SUGCT: variants seen among roughly 807,000 people sequenced by gnomAD.
SUGCT encodes the protein succinyl-CoA:glutarate-CoA transferase.
In SUGCT, 41 loss-of-function variants were observed where a neutral mutation model predicts 55.0. The observed-to-expected ratio is 0.74, with a 90% confidence interval of 0.58 to 0.97. The LOEUF (loss-of-function observed/expected upper bound fraction) is 0.97, where lower values mean the gene tolerates loss of function less well. SUGCT is among the 50% of genes least tolerant of loss of function. The pLI is 0.00. For synonymous variants in SUGCT, 187 were observed against 200.4 expected, an observed-to-expected ratio of 0.93 and a Z score of 0.56; for missense variants, 568 against 547.8, an observed-to-expected ratio of 1.04 and a Z score of -0.37.
At chr7:40,888,400 G>A in the SUGCT span, among the ~76,000 whole-genome samples, 3 of 151,090 alleles carry the variant, frequency 2.0e-5, no homozygotes, top group Admixed American at 1.3e-4. Flanking sequence ...GCAGTGAGCC[G>A]AGATCATGCC....
chr7:41,014,158 G>A, the SUGCT span, among the ~76,000 whole-genome samples: 4 of 152,278 alleles, frequency 2.6e-5, no homozygotes, highest in South Asian at 8.3e-4. Flanking sequence ...CCACTGAGGT[G>A]GAGTGGGTGA....
At chr7:40,294,383 A>T (rs1220772414) in intron 8 of SUGCT, among the ~76,000 whole-genome samples, 1 of 152,226 alleles carries the variant, frequency 6.6e-6, no homozygotes, top group African/African-American at 2.4e-5. Context: ...GGAGCTCTTC[A>T]TCTGAAGCCC....
At chr7:40,165,526 C>T (rs28681038) in intron 1 of SUGCT, among the ~76,000 whole-genome samples, 1 of 152,266 alleles carries the variant, frequency 6.6e-6, no homozygotes, top group African/African-American at 2.4e-5. Context: ...GCCAAAAAGA[C>T]AGAGAGATAT....
At chr7:40,477,359 T>C (rs1481824013) in intron 11 of SUGCT, among the ~76,000 whole-genome samples, 1 of 152,144 alleles carries the variant, frequency 6.6e-6, no homozygotes, top group Admixed American at 6.6e-5. Context: ...TGGAGTCTTA[T>C]TTAGAGATTT....
At chr7:40,176,421 A>G (rs7800816) in intron 1 of SUGCT, among the ~76,000 whole-genome samples, 132 of 152,214 alleles carry the variant, frequency 8.7e-4, no homozygotes, top group African/African-American at 2.8e-3. Context: ...TTGTTCACAA[A>G]TGTAGTATAA....
intron 12 of SUGCT, among the ~76,000 whole-genome samples, chr7:40,593,285 G>C (rs78761507): frequency 6.6e-6 from 1 of 152,064 alleles, no homozygotes; most frequent in East Asian, 1.9e-4. Flanking sequence ...ATTTCTCTCC[G>C]TTGCCTCCCC....
At chr7:40,950,408 A>G in the SUGCT span, among the ~76,000 whole-genome samples, 116 of 152,276 alleles carry the variant, frequency 7.6e-4, no homozygotes, top group African/African-American at 2.4e-3. Flanking sequence ...GCAAACAGGG[A>G]CAATTTGACT....
chr7:40,307,684 G>A (rs985763424), intron 8 of SUGCT, among the ~76,000 whole-genome samples: 19 of 152,254 alleles, frequency 1.2e-4, no homozygotes, highest in Admixed American at 5.2e-4. Flanking sequence ...TTGATCAGTC[G>A]TAAATACTAG....
intron 12 of SUGCT, among the ~76,000 whole-genome samples, chr7:40,586,974 A>G (rs1367170657): frequency 6.6e-6 from 1 of 152,252 alleles, no homozygotes; most frequent in Non-Finnish European, 1.5e-5. Context: ...TAACAGAACT[A>G]CAGATATATG....
At chr7:40,940,997 T>TG in the SUGCT span, among the ~76,000 whole-genome samples, 3 of 152,116 alleles carry the variant, frequency 2.0e-5, no homozygotes, top group Admixed American at 2.0e-4. Context: ...AGTATGTTGT[T>TG]GGCTGTGGGT....
At chr7:40,925,773 A>G in the SUGCT span, among the ~76,000 whole-genome samples, 3 of 152,138 alleles carry the variant, frequency 2.0e-5, no homozygotes, top group Non-Finnish European at 4.4e-5. Flanking sequence ...AATCATACTC[A>G]AGCCAAAAGC....
chr7:40,271,801 G>A (rs1443561240), intron 7 of SUGCT, among the ~76,000 whole-genome samples: 2 of 151,778 alleles, frequency 1.3e-5, no homozygotes, highest in Non-Finnish European at 2.9e-5. Context: ...GCGTATGTTT[G>A]TACCCACTAA....
At chr7:40,906,547 C>G in the SUGCT span, among the ~76,000 whole-genome samples, 1 of 151,796 alleles carries the variant, frequency 6.6e-6, no homozygotes, top group Non-Finnish European at 1.5e-5. Flanking sequence ...TTAAATGCAA[C>G]AATAAAAAAA....
At chr7:40,916,156 A>G in the SUGCT span, among the ~76,000 whole-genome samples, 132,701 of 152,084 alleles carry the variant, frequency 0.87, 58,041 homozygotes, top group African/African-American at 0.93. Flanking sequence ...CAGCCAAGAG[A>G]TTAACCGCAG....
the SUGCT span, among the ~76,000 whole-genome samples, chr7:40,898,877 A>G: frequency 1.3e-5 from 2 of 152,078 alleles, no homozygotes; most frequent in Admixed American, 6.5e-5. Flanking sequence ...TTCCTAGATC[A>G]GGGACAGTCA....
At chr7:40,420,073 T>C (rs904306259) in intron 9 of SUGCT, among the ~76,000 whole-genome samples, 5 of 152,072 alleles carry the variant, frequency 3.3e-5, no homozygotes, top group Admixed American at 2.6e-4. Flanking sequence ...AGTGTTGTAG[T>C]TGAGATACTG....
intron 1 of SUGCT, among the ~76,000 whole-genome samples, chr7:40,168,232 C>A (rs1333019349): frequency 6.6e-6 from 1 of 152,154 alleles, no homozygotes; most frequent in Admixed American, 6.5e-5. Context: ...CAGTACCCCC[C>A]AACAGGAAAA....
chr7:40,438,379 A>G (rs78457535), intron 9 of SUGCT, among the ~76,000 whole-genome samples: 6,334 of 152,152 alleles, frequency 0.042, 447 homozygotes, highest in African/African-American at 0.14. Flanking sequence ...CGTGTCATCA[A>G]ATTCCTTGAC....
At chr7:40,451,247 G>C (rs759753701) in intron 10 of SUGCT, among the ~76,000 whole-genome samples, 9 of 152,098 alleles carry the variant, frequency 5.9e-5, no homozygotes, top group Non-Finnish European at 8.8e-5. Context: ...GGGGTTGGGG[G>C]TGGGAGGACC....
Sources: allele counts gnomAD v4.1 joint callset (sites outside exome capture counted in the v4.1 genomes callset), GRCh38; gene constraint gnomAD v4.1.1; transcripts MANE v1.5; gene names NCBI Gene and HGNC (gene_info 2026-07-23, HGNC 2026-07-21).